KCNIP4: variants seen among roughly 807,000 people sequenced by gnomAD.
KCNIP4 encodes the protein potassium voltage-gated channel interacting protein 4.
A neutral mutation model predicts 34.0 loss-of-function variants in KCNIP4; 12 were observed. That is an observed-to-expected ratio of 0.35 (90% CI 0.23 to 0.57). The LOEUF is 0.57. Among genes scored for constraint, KCNIP4 ranks in the 20% least tolerant of loss-of-function variants. The pLI, the probability that KCNIP4 is intolerant of heterozygous loss-of-function variation, is 0.83. For synonymous variants in KCNIP4, 124 were observed against 102.2 expected, an observed-to-expected ratio of 1.21 and a Z score of -1.29; for missense variants, 238 against 311.7, an observed-to-expected ratio of 0.76 and a Z score of 1.78.
chr4:21,489,080 T>G (rs1732151750), intron 1 of KCNIP4, among the ~76,000 whole-genome samples: 1 of 152,064 alleles, frequency 6.6e-6, no homozygotes, highest in African/African-American at 2.4e-5. Flanking sequence ...GAGATAGCCT[T>G]TTAGACACAG....
intron 3 of KCNIP4, among the ~76,000 whole-genome samples, chr4:20,776,610 C>G (rs757286195): frequency 6.6e-6 from 1 of 152,152 alleles, no homozygotes; most frequent in Non-Finnish European, 1.5e-5. Context: ...TTAATTCCAA[C>G]AACTAATATC....
At chr4:21,706,729 C>T (rs1713298653) in intron 1 of KCNIP4, among the ~76,000 whole-genome samples, 1 of 152,096 alleles carries the variant, frequency 6.6e-6, no homozygotes, top group African/African-American at 2.4e-5. Context: ...AAGACTGCTC[C>T]TCTCAAAACA....
chr4:20,830,410 G>T (rs1024978158), intron 3 of KCNIP4, among the ~76,000 whole-genome samples: 2 of 152,088 alleles, frequency 1.3e-5, no homozygotes, highest in Non-Finnish European at 2.9e-5. Context: ...CCTTGGTTGA[G>T]GGCCAAGATC....
At chr4:21,516,633 C>T (rs1400897301) in intron 1 of KCNIP4, among the ~76,000 whole-genome samples, 5 of 152,190 alleles carry the variant, frequency 3.3e-5, no homozygotes, top group Admixed American at 3.3e-4. Flanking sequence ...TCTCCCTCAG[C>T]ACGAGTCAGA....
intron 1 of KCNIP4, among the ~76,000 whole-genome samples, chr4:21,674,622 G>C (rs1392556421): frequency 2.0e-5 from 3 of 152,164 alleles, no homozygotes; most frequent in Non-Finnish European, 4.4e-5. Context: ...CTCAGATTGA[G>C]TGTCCTTACC....
Position 20,729,520 on chromosome 4 carries a change from A to AAACTAATTTC in KCNIP4, c.*552_*561dup, listed in dbSNP as rs1553881664. ...TTTAAATGTTTAAAAATGCCAGATA[A>AAACTAATTTC]AACTAATTTCTAACAGAAGGTGGGA... is the stretch of plus-strand genomic sequence containing the variant. On this transcript the variant is annotated 3_prime_UTR_variant, in exon 9 of 9. Transcript: ENST00000382152. 7.6e-6 allele frequency: 1 copy of AAACTAATTTC among 131,004 alleles called. No individual in the cohort carries two copies. The highest frequency in any genetic ancestry group is 1.7e-5 in the Non-Finnish European group (1 of 57,216). The allele number at this position is 131,004 out of a possible 1,614,324, so 8.1% of individuals were successfully genotyped here.
intron 1 of KCNIP4, among the ~76,000 whole-genome samples, chr4:21,503,154 G>A (rs945250056): frequency 6.6e-6 from 1 of 151,990 alleles, no homozygotes; most frequent in Non-Finnish European, 1.5e-5. Flanking sequence ...CATTTGATGG[G>A]GAATAATTAA....
chr4:20,818,386 T>C (rs1716680717), intron 3 of KCNIP4, among the ~76,000 whole-genome samples: 1 of 152,144 alleles, frequency 6.6e-6, no homozygotes, highest in African/African-American at 2.4e-5. Flanking sequence ...AATATTCTGG[T>C]AGATATCATG....
At chr4:21,541,708 T>A (rs1737709858) in intron 1 of KCNIP4, among the ~76,000 whole-genome samples, 1 of 152,114 alleles carries the variant, frequency 6.6e-6, no homozygotes, top group Admixed American at 6.6e-5. Flanking sequence ...AGTGGCATAA[T>A]CACCCTCACT....
At chr4:21,809,649 T>C (rs1721506646) in intron 1 of KCNIP4, among the ~76,000 whole-genome samples, 1 of 152,194 alleles carries the variant, frequency 6.6e-6, no homozygotes, top group African/African-American at 2.4e-5. Flanking sequence ...ACTAATGGTA[T>C]TATTTTGCAT....
chr4:21,342,194 G>A (rs1716824277), intron 1 of KCNIP4, among the ~76,000 whole-genome samples: 1 of 131,486 alleles, frequency 7.6e-6, no homozygotes, highest in South Asian at 2.4e-4. Flanking sequence ...AAGTGTAGAT[G>A]GAGGATTCAC....
At chr4:21,834,518 T>C (rs1271512931) in intron 1 of KCNIP4, among the ~76,000 whole-genome samples, 2 of 152,204 alleles carry the variant, frequency 1.3e-5, no homozygotes, top group Non-Finnish European at 2.9e-5. Context: ...TTTCTAGATA[T>C]ACAATCATGT....
At chr4:21,859,760 G>T (rs868137215) in intron 1 of KCNIP4, among the ~76,000 whole-genome samples, 8 of 152,298 alleles carry the variant, frequency 5.3e-5, no homozygotes, top group Middle Eastern at 3.4e-3. Context: ...AGGGAGTGGC[G>T]GCTCATGCCT....
At chr4:21,576,229 G>A (rs528056242) in intron 1 of KCNIP4, among the ~76,000 whole-genome samples, 6 of 152,152 alleles carry the variant, frequency 3.9e-5, no homozygotes, top group African/African-American at 1.4e-4. Flanking sequence ...TAAAAACCCT[G>A]ACATTGGAGA....
Position 20,870,050 on chromosome 4 carries a change from C to T in KCNIP4, c.163+12558G>A, listed in dbSNP as rs537487161. On this transcript the variant is annotated intron_variant, in intron 2 of 8. Transcript: ENST00000382152. ...TTATTATATCACTTATTAAAATGTT[C>T]TTTGAGATAAGTATGATTTTGCCCA... Among the ~76,000 whole-genome samples the T allele has an allele frequency of 2.0e-5, 3 of 152,084 alleles. No homozygotes were observed. The East Asian group carries it at 5.8e-4, about 29-fold the overall frequency.
At chr4:21,933,615 G>A (rs1287839867) in intron 1 of KCNIP4, among the ~76,000 whole-genome samples, 6 of 151,984 alleles carry the variant, frequency 3.9e-5, no homozygotes, top group Non-Finnish European at 8.8e-5. Context: ...GTGAGGACAG[G>A]GAAGGTATCT....
intron 1 of KCNIP4, among the ~76,000 whole-genome samples, chr4:21,330,817 G>T (rs551060903): frequency 1.4e-3 from 207 of 152,160 alleles, no homozygotes; most frequent in African/African-American, 4.7e-3. Flanking sequence ...AGCCTCAGTT[G>T]TTTCTTTTTG....
intron 1 of KCNIP4, among the ~76,000 whole-genome samples, chr4:21,567,472 C>A (rs571228222): frequency 1.3e-5 from 2 of 152,078 alleles, no homozygotes; most frequent in Non-Finnish European, 2.9e-5. Flanking sequence ...CATGAATAGA[C>A]ACAAGCACCA....
At chr4:21,172,021 A>ATGTTG (rs915136818) in intron 1 of KCNIP4, among the ~76,000 whole-genome samples, 8 of 151,796 alleles carry the variant, frequency 5.3e-5, no homozygotes, top group African/African-American at 1.7e-4. Context: ...CTCTATTCTG[A>ATGTTG]TGTTGTTTTG....
Sources: allele counts gnomAD v4.1 joint callset (sites outside exome capture counted in the v4.1 genomes callset), GRCh38; gene constraint gnomAD v4.1.1; transcripts MANE v1.5; gene names NCBI Gene and HGNC (gene_info 2026-07-23, HGNC 2026-07-21).